The following AXDND1 variants were observed in gnomAD, a reference collection of about 807,000 sequenced individuals.
AXDND1 encodes axonemal dynein light chain domain containing 1, also known as axonemal dynein light chain domain-containing protein 1.
AXDND1 carries 110 observed loss-of-function variants against 137.5 expected under a neutral mutation model. That is an observed-to-expected ratio of 0.80 (90% CI 0.69 to 0.94). The LOEUF (loss-of-function observed/expected upper bound fraction) is 0.94, where lower values mean the gene tolerates loss of function less well. Among genes scored for constraint, AXDND1 ranks in the 40% least tolerant of loss-of-function variants. AXDND1 has a pLI of 0.00. For synonymous variants in AXDND1, 414 were observed against 399.7 expected (o/e 1.04, Z -0.43); for missense variants, 1,191 against 1,169.8 (o/e 1.02, Z -0.26).
At chr1:179,420,366 A>G (rs1655486707) in intron 12 of AXDND1, among the ~76,000 whole-genome samples, 1 of 151,972 alleles carries the variant, frequency 6.6e-6, no homozygotes, top group Admixed American at 6.5e-5. Flanking sequence ...GAGGATTTTT[A>G]CATCTGTGTT....
chr1:179,528,203 G>T, intron 22 of AXDND1, 124 bp from the exon 23 acceptor site: 1 of 647,726 alleles, frequency 1.5e-6, no homozygotes. Flanking sequence ...TTCTTGTTGT[G>T]TGATTAAAGG....
Position 179,385,301 on chromosome 1 carries a change from C to G in AXDND1, c.805C>G (p.Leu269Val). 2 of 1,613,426 alleles carry G rather than the reference C, an allele frequency of 1.2e-6. No homozygotes were observed. Among genetic ancestry groups the G allele is most frequent in the South Asian group, 1.1e-5 (1 of 91,062 alleles). ...CATTTACAACATGATATTTCATGAA[C>G]TTATTCGACAAGTCAGTGTGGACTG... ...QTIYNMIFHE[L>V]IRQVSVDCAD... is the part of the protein sequence containing the mutation. The change falls in exon 9 of 26, where the codon CTT becomes GTT. Residue 269 changes from leucine (L) to valine (V), a missense_variant. By Grantham distance (32) the Leu-to-Val change is conservative (BLOSUM62 1). Coordinates refer to ENST00000367618, the MANE Select transcript of AXDND1 (RefSeq NM_144696.6).
chr1:179,552,744 C>T lies in AXDND1; in HGVS notation c.3032-1768C>T, dbSNP rs1673499571. The T allele has an allele frequency of 5.6e-6, 7 of 1,260,796 alleles. No individual in the cohort carries two copies. In the South Asian group the frequency reaches 8.7e-5, roughly 16 times the overall value. The allele number at this position is 1,260,796 out of a possible 1,614,324, so 78.1% of individuals were successfully genotyped here. On this transcript the variant is annotated intron_variant, in intron 25 of 25. Coordinates refer to ENST00000367618, the MANE Select transcript of AXDND1 (RefSeq NM_144696.6). ...CATGATTTAGGGGCCAAAGCTTTCA[C>T]ACAGACTTGCAAGCCTCTCTACTGC...
At chr1:179,370,991 T>C (rs1030108347) in intron 4 of AXDND1, among the ~76,000 whole-genome samples, 2 of 152,230 alleles carry the variant, frequency 1.3e-5, no homozygotes, top group Non-Finnish European at 2.9e-5. Context: ...CTATTGATTT[T>C]TATGTACTGA....
intron 11 of AXDND1, among the ~76,000 whole-genome samples, chr1:179,409,742 C>T (rs540492188): frequency 4.5e-4 from 69 of 152,126 alleles, no homozygotes; most frequent in Admixed American, 1.6e-3. Context: ...ATTAGCCAGG[C>T]GTGGAGGTTG....
chr1:179,370,493 C>G (rs1162655671), intron 4 of AXDND1, among the ~76,000 whole-genome samples: 1 of 152,166 alleles, frequency 6.6e-6, no homozygotes, highest in African/African-American at 2.4e-5. Context: ...ATGTGGAAAA[C>G]CTTGAAAAAC....
intron 7 of AXDND1, 135 bp downstream of exon 7, chr1:179,382,891 A>G (rs1218879267): frequency 1.0e-5 from 6 of 571,714 alleles, no homozygotes; most frequent in Non-Finnish European, 1.5e-5. Context: ...CAAGTTCATC[A>G]TCTAATCAGT....
chr1:179,472,399 T>G (rs553555787), intron 17 of AXDND1, among the ~76,000 whole-genome samples: 1 of 152,272 alleles, frequency 6.6e-6, no homozygotes, highest in Admixed American at 6.5e-5. Flanking sequence ...ATTATAGAGG[T>G]TTGTTTTACA....
At chr1:179,411,373 C>A in intron 12 of AXDND1, 107 bp downstream of exon 12, 1 of 1,433,668 alleles carries the variant, frequency 7.0e-7, no homozygotes, top group Non-Finnish European at 9.5e-7. Flanking sequence ...AAGAGTCTTA[C>A]TCACTCTGTT....
intron 17 of AXDND1, among the ~76,000 whole-genome samples, chr1:179,471,030 A>G (rs1328456721): frequency 6.6e-6 from 1 of 152,146 alleles, no homozygotes; most frequent in Non-Finnish European, 1.5e-5. Context: ...TTTCATGTTC[A>G]TATGATGTAT....
intron 16 of AXDND1, chr1:179,452,694 CAAAAAAAAAAAAAAA>C (rs56975419): frequency 1.5e-5 from 1 of 68,730 alleles, no homozygotes; most frequent in Admixed American, 1.9e-4. Flanking sequence ...GACTCCGTCT[CAAAAAAAAAAAAAAA>C]AAAAAAAAAA....
At chr1:179,431,347 A>G (rs1657345070) in intron 14 of AXDND1, among the ~76,000 whole-genome samples, 1 of 151,876 alleles carries the variant, frequency 6.6e-6, no homozygotes, top group Non-Finnish European at 1.5e-5. Flanking sequence ...TTACCATGTT[A>G]GCCAGGCTGA....
rs138326397 is a variant in AXDND1 at position 179,498,102 on chromosome 1, C to T, written c.2388+5151C>T. Among the ~76,000 whole-genome samples the T allele has an allele frequency of 2.2e-3, 340 of 152,174 alleles. 1 individual carries two copies. The highest frequency in any genetic ancestry group is 3.4e-3 in the Non-Finnish European group (232 of 67,978). ...TACTGCCCAAAGCAGTTTATAAATT[C>T]GGTTCTATTCCTATCAAACTATCAA... On this transcript the variant is annotated intron_variant, in intron 20 of 25. Transcript: ENST00000367618.
intron 15 of AXDND1, among the ~76,000 whole-genome samples, chr1:179,443,474 T>C (rs369877365): frequency 3.3e-5 from 5 of 152,334 alleles, no homozygotes; most frequent in African/African-American, 1.2e-4. Context: ...TTTATATTGT[T>C]GTACAACCAT....
intron 21 of AXDND1, among the ~76,000 whole-genome samples, chr1:179,511,414 GTGTGTGTGTA>G (rs1669050488): frequency 2.0e-5 from 3 of 150,752 alleles, no homozygotes; most frequent in Admixed American, 6.6e-5. Flanking sequence ...GTGTGTGTGT[GTGTGTGTGTA>G]TATGTATATA....
chr1:179,418,479 T>G (rs1324252842), intron 12 of AXDND1, among the ~76,000 whole-genome samples: 4 of 152,250 alleles, frequency 2.6e-5, no homozygotes, highest in Non-Finnish European at 4.4e-5. Flanking sequence ...ATTGTCATCA[T>G]GGCCCATTCT....
intron 23 of AXDND1, among the ~76,000 whole-genome samples, chr1:179,529,790 A>G (rs116484422): frequency 0.031 from 4,754 of 152,282 alleles, 274 homozygotes; most frequent in African/African-American, 0.11. Flanking sequence ...CCCACAAAAG[A>G]CAGCTTTGCA....
chr1:179,368,975 T>C lies in AXDND1; in HGVS notation c.270+3T>C. 1 of 1,605,588 alleles carries C rather than the reference T, an allele frequency of 6.2e-7. No homozygotes were observed. The highest frequency in any genetic ancestry group is 8.5e-7 in the Non-Finnish European group (1 of 1,173,790). ...CTAAGAAAATTAAAACCCCAAAGGT[T>C]TGTATGTACATATGTAGAGTAATGG... On this transcript the variant is annotated splice_donor_region_variant and intron_variant, in intron 3 of 25. Coordinates refer to ENST00000367618, the MANE Select transcript of AXDND1 (RefSeq NM_144696.6).
chr1:179,370,017 G>A lies in AXDND1; in HGVS notation c.313G>A (p.Val105Ile), dbSNP rs896273970. 3 of 1,614,016 alleles carry A rather than the reference G, an allele frequency of 1.9e-6. No individual in the cohort carries two copies. Among genetic ancestry groups the A allele is most frequent in the Admixed American group, 1.7e-5 (1 of 60,004 alleles). Residue 105 changes from valine to isoleucine, a missense_variant, in exon 4 of 26, where the codon GTT becomes ATT. Val to Ile is a conservative substitution (Grantham distance 29). Coordinates refer to ENST00000367618, the MANE Select transcript of AXDND1 (RefSeq NM_144696.6). The stretch of plus-strand genomic sequence containing the variant: ...TGTAGACCATGTCTGGCATCACCCT[G>A]TTCGAAGGAATAAATTCAAATACCT... ...RLVDHVWHHP[V>I]RRNKFKYLID...
Sources: allele counts gnomAD v4.1 joint callset (sites outside exome capture counted in the v4.1 genomes callset), GRCh38; gene constraint gnomAD v4.1.1; transcripts MANE v1.5; gene names NCBI Gene and HGNC (gene_info 2026-07-23, HGNC 2026-07-21).